The following CELSR1 variants were observed in gnomAD, a reference collection of about 807,000 sequenced individuals.
CELSR1 encodes adhesion G protein-coupled receptor C1.
Under a neutral mutation model 249.1 loss-of-function variants are expected in CELSR1, and 110 were observed. The observed-to-expected ratio is 0.44, with a 90% CI of 0.38 to 0.52. The LOEUF is 0.52. Ranked by LOEUF, CELSR1 falls within the 20% of genes least tolerant of loss-of-function variation. The pLI is 0.00. For synonymous variants in CELSR1, 2,113 were observed against 1,900.0 expected, an observed-to-expected ratio of 1.11 and a Z score of -2.92; for missense variants, 4,109 against 4,296.4, an observed-to-expected ratio of 0.96 and a Z score of 1.22.
At chr22:46,452,022 G>T (rs901292178) in intron 2 of CELSR1, among the ~76,000 whole-genome samples, 3 of 152,168 alleles carry the variant, frequency 2.0e-5, no homozygotes, top group African/African-American at 7.2e-5. Flanking sequence ...GAGGCAGGGG[G>T]GCTCCTCCTA....
Position 46,364,589 on chromosome 22 carries a change from C to A in CELSR1, c.8702G>T (p.Arg2901Leu). The A allele has an allele frequency of 1.2e-6, 2 of 1,612,616 alleles. No individual in the cohort carries two copies. Among genetic ancestry groups the A allele is most frequent in the Non-Finnish European group, 8.5e-7 (1 of 1,179,890 alleles). ...ELHREEQGSH[R>L]GEYPPDQESG... ...CTCCTGGTCCGGGGGGTACTCTCCA[C>A]GGTGACTGCCCTGCTCCTCGCGGTG... is the stretch of plus-strand genomic sequence containing the variant. The change falls in exon 33 of 35, where the codon CGT becomes CTT. Residue 2901 changes from arginine (R) to leucine (L), a missense_variant. Transcript: ENST00000674500.
At chr22:46,524,576 C>CGTG (rs2080720594) in intron 1 of CELSR1, among the ~76,000 whole-genome samples, 20 of 114,930 alleles carry the variant, frequency 1.7e-4, no homozygotes, top group Non-Finnish European at 3.7e-4. Context: ...GTGTGTCTGT[C>CGTG]TGTCTGTGTG....
Position 46,364,709 on chromosome 22 carries a change from G to A in CELSR1, c.8582C>T (p.Ala2861Val), listed in dbSNP as rs1475043448. The change falls in exon 33 of 35, where the codon GCC (alanine) becomes GTC (valine). Residue 2861 changes from alanine to valine, a missense_variant. By Grantham distance (64) the Ala-to-Val change is moderately conservative. Around this residue, in one of 7 missense-constraint regions of CELSR1, gnomAD observed 1,805 missense variants for 1,831.6 expected, o/e 0.99. Transcript: ENST00000674500. ...KGDAVANHVP[A>V]GWPDQSLAES... is the part of the protein sequence containing the mutation. ...AGCCAGGCTCTGGTCGGGCCAGCCG[G>A]CCGGAACGTGGTTGGCCACAGCGTC... The A allele has an allele frequency of 3.1e-6, 5 of 1,612,384 alleles. No homozygotes were observed. Among genetic ancestry groups the A allele is most frequent in the Non-Finnish European group, 4.2e-6 (5 of 1,179,824 alleles).
Position 46,533,687 on chromosome 22 carries a change from G to C in CELSR1, c.3484C>G (p.Leu1162Val). 6.2e-7 allele frequency: 1 copy of C among 1,610,218 alleles called. No homozygotes were observed. The highest frequency in any genetic ancestry group is 8.5e-7 in the Non-Finnish European group (1 of 1,179,332). ...CGGTTGTTGTCCAGGTCGCGGCTGA[G>C]CTGCAGTTCGCCCGTGGCGGGGTCC... ...LLDPATGELQ[L>V]SRDLDNNRPL... Residue 1162 changes from leucine to valine, a missense_variant, in exon 1 of 35, where the codon CTC (leucine) becomes GTC (valine). This residue lies in a region of CELSR1 where 886 missense variants were observed against 896.5 expected (regional missense o/e 0.99). Coordinates refer to ENST00000674500, the MANE Select transcript of CELSR1 (RefSeq NM_001378328.1).
At chr22:46,439,110 C>G in intron 3 of CELSR1, 79 bp downstream of exon 3, 1 of 1,356,988 alleles carries the variant, frequency 7.4e-7, no homozygotes, top group East Asian at 2.3e-5. Flanking sequence ...ACGTCACGAT[C>G]TAGAGGGATG....
chr22:46,513,226 A>G (rs966147350), intron 1 of CELSR1, among the ~76,000 whole-genome samples: 3 of 152,198 alleles, frequency 2.0e-5, no homozygotes, highest in African/African-American at 7.2e-5. Context: ...CACTCAAGGA[A>G]AGGCGGTATC....
chr22:46,535,787 G>C lies in CELSR1; in HGVS notation c.1384C>G (p.Gln462Glu), dbSNP rs1390546182. The C allele has an allele frequency of 6.2e-7, 1 of 1,612,266 alleles. No individual in the cohort carries two copies. The highest frequency in any genetic ancestry group is 8.5e-7 in the Non-Finnish European group (1 of 1,180,016). Residue 462 changes from glutamine to glutamate, a missense_variant, in exon 1 of 35, where the codon CAG becomes GAG. Around this residue, in one of 7 missense-constraint regions of CELSR1, gnomAD observed 135 missense variants for 190.0 expected, o/e 0.71. Coordinates refer to ENST00000674500, the MANE Select transcript of CELSR1 (RefSeq NM_001378328.1). ...TCGGGCACCTGGACCACGTAGTTCT[G>C]CTCGCTGAACTGGGGGTAGTTGTCG... ...ENDNYPQFSE[Q>E]NYVVQVPEDV...
chr22:46,448,358 T>C lies in CELSR1; in HGVS notation c.4184-8947A>G, dbSNP rs1602150162. ...GCTCAAGAGCTCCAGAACTTACCCC[T>C]GGGGGGCTGCTCCAGGAGCTAGGAG... On this transcript the variant is annotated intron_variant, in intron 2 of 34. Coordinates refer to ENST00000674500, the MANE Select transcript of CELSR1 (RefSeq NM_001378328.1). The surrounding 1 kb of genome is among the most constrained non-coding windows in gnomAD (Gnocchi z 5.7). 6.6e-6 allele frequency among the ~76,000 whole-genome samples: 1 copy of C among 151,586 alleles called. No homozygotes were observed. Among genetic ancestry groups the C allele is most frequent in the East Asian group, 2.0e-4 (1 of 5,120 alleles).
At chr22:46,514,456 G>C (rs753671851) in intron 1 of CELSR1, among the ~76,000 whole-genome samples, 3 of 152,266 alleles carry the variant, frequency 2.0e-5, no homozygotes, top group East Asian at 3.9e-4. Context: ...ATCCCCGGGG[G>C]CCCAAGGCCA....
chr22:46,391,679 G>A lies in CELSR1; in HGVS notation c.6102C>T (p.Asn2034=). ...CKPGVIGRQC[N]RCDNPFAEVT... ...CCTCGGCAAACGGGTTGTCGCAGCG[G>A]TTGCACTGGCGGCCGATGACGCCGG... The change falls in exon 15 of 35, where the codon AAC becomes AAT. Residue 2034 remains asparagine, a synonymous_variant. Coordinates refer to ENST00000674500, the MANE Select transcript of CELSR1 (RefSeq NM_001378328.1). The surrounding 1 kb of genome is among the most constrained non-coding windows in gnomAD (Gnocchi z 4.3). The A allele has an allele frequency of 6.2e-7, 1 of 1,609,370 alleles. No individual in the cohort carries two copies. The highest frequency in any genetic ancestry group is 1.3e-5 in the African/African-American group (1 of 74,944).
chr22:46,479,619 G>C (rs1298735448), intron 1 of CELSR1, among the ~76,000 whole-genome samples: 2 of 137,902 alleles, frequency 1.5e-5, no homozygotes, highest in East Asian at 2.5e-4. Flanking sequence ...ACTTTTTGGG[G>C]GGGGGCCGGG....
In CELSR1 at chr22:46,536,530, G is replaced by A. The variant is rs1259376059; in HGVS notation, c.641C>T (p.Pro214Leu). The A allele has an allele frequency of 6.9e-7, 1 of 1,446,100 alleles. No homozygotes were observed. Among genetic ancestry groups the A allele is most frequent in the Middle Eastern group, 2.0e-4 (1 of 5,114 alleles). 89.6% of individuals were successfully genotyped at this position (1,446,100 alleles called of 1,614,324 possible). A position where few individuals can be genotyped will look rare whatever the true frequency, so the allele number is the denominator to read the frequency against. Residue 214 changes from proline to leucine, a missense_variant, in exon 1 of 35, where the codon CCA becomes CTA. Coordinates refer to ENST00000674500, the MANE Select transcript of CELSR1 (RefSeq NM_001378328.1). ...CAAGTTCGGCGGCAGGGGCGGCGATGGGGATGGCGACGCGGAGGGCGTCCC... is the reference window on the plus strand; with the variant it reads ...CAAGTTCGGCGGCAGGGGCGGCGATAGGGATGGCGACGCGGAGGGCGTCCC... ...TAGTPSASPS[P>L]SPPLPPNLPE...
chr22:46,459,918 A>C (rs565482306), intron 2 of CELSR1, among the ~76,000 whole-genome samples: 1 of 152,272 alleles, frequency 6.6e-6, no homozygotes, highest in East Asian at 1.9e-4. Context: ...AACATTAGCT[A>C]CAATCCGGCC....
chr22:46,460,208 CA>C lies in CELSR1; in HGVS notation c.4183+3498del, dbSNP rs1569179921. Among the ~76,000 whole-genome samples the C allele has an allele frequency of 4.8e-3, 697 of 145,824 alleles. 8 individuals are homozygous for C. The highest frequency in any genetic ancestry group is 0.017 in the African/African-American group (619 of 36,920). The stretch of plus-strand genomic sequence containing the variant: ...ACACACACACACACACACACACACA[CA>C]CACACACCCATTAGCTACAGTCCCT... On this transcript the variant is annotated intron_variant, in intron 2 of 34. Transcript: ENST00000674500.
intron 5 of CELSR1, among the ~76,000 whole-genome samples, chr22:46,415,174 G>A (rs2079385388): frequency 6.6e-6 from 1 of 152,162 alleles, no homozygotes; most frequent in South Asian, 2.1e-4. Context: ...TTTTGAGATG[G>A]AATCTCGCTC....
At position 46,398,059 on chromosome 22, in the gene CELSR1, G is replaced by A. The variant is rs559519651; in HGVS notation, c.5527-211C>T. ...GCTGGGTGAGGAGCTCAGAGGGCAC[G>A]CCAGCCTGAGCTCCTGGGGTGCGCG... On this transcript the variant is annotated intron_variant, in intron 11 of 34. Transcript: ENST00000674500. This position sits in a 1 kb window ranked among gnomAD's most constrained non-coding sequence, Gnocchi z 7.2. Among the ~76,000 whole-genome samples the A allele has an allele frequency of 1.6e-4, 25 of 152,274 alleles. No individual in the cohort carries two copies. Among genetic ancestry groups the A allele is most frequent in the Admixed American group, 1.1e-3 (17 of 15,310 alleles).
Position 46,527,364 on chromosome 22 carries a change from C to T in CELSR1, c.3544+6263G>A, listed in dbSNP as rs1026694417. 1.3e-5 allele frequency among the ~76,000 whole-genome samples: 2 copies of T among 152,164 alleles called. No individual in the cohort carries two copies. Among genetic ancestry groups the T allele is most frequent in the Non-Finnish European group, 2.9e-5 (2 of 68,022 alleles). On this transcript the variant is annotated intron_variant, in intron 1 of 34. Transcript: ENST00000674500. This position sits in a 1 kb window ranked among gnomAD's most constrained non-coding sequence, Gnocchi z 5.5. The stretch of plus-strand genomic sequence containing the variant: ...ATGGGACCCAGCTCTTGCCTAAATC[C>T]TCCCGAGGGGGCCCACCAAACCCTC...
At chr22:46,524,692 G>T (rs2080721755) in intron 1 of CELSR1, among the ~76,000 whole-genome samples, 1 of 152,054 alleles carries the variant, frequency 6.6e-6, no homozygotes, top group Non-Finnish European at 1.5e-5. Flanking sequence ...CCCAGCTATG[G>T]AATGTTCACG....
chr22:46,516,178 C>T (rs527309565), intron 1 of CELSR1, among the ~76,000 whole-genome samples: 11 of 152,270 alleles, frequency 7.2e-5, no homozygotes, highest in South Asian at 2.1e-4. Context: ...TGCGGCACTA[C>T]TCACAATAGC....
Sources: allele counts gnomAD v4.1 joint callset (sites outside exome capture counted in the v4.1 genomes callset), GRCh38; gene constraint gnomAD v4.1.1; regional missense constraint gnomAD v4.1.1; non-coding constraint Gnocchi (gnomAD v3.1); transcripts MANE v1.5; gene names NCBI Gene and HGNC (gene_info 2026-07-23, HGNC 2026-07-21).